The following GRM1 variants were observed in gnomAD, a reference collection of about 807,000 sequenced individuals.
GRM1 encodes glutamate metabotropic receptor 1, also known as metabotropic glutamate receptor 1.
Under a neutral mutation model 90.9 loss-of-function variants are expected in GRM1, and 33 were observed. The observed-to-expected ratio is 0.36, with a 90% CI of 0.28 to 0.49. GRM1 has a LOEUF of 0.49. Ranked by LOEUF, GRM1 falls within the 20% of genes least tolerant of loss-of-function variation. The pLI is 0.99. For missense variants in GRM1, 1,190 were observed against 1,534.3 expected, an observed-to-expected ratio of 0.78 and a Z score of 3.75; for synonymous variants, 700 against 613.2, an observed-to-expected ratio of 1.14 and a Z score of -2.09.
At chr6:146,045,220 A>G (rs1387441120) in intron 1 of GRM1, among the ~76,000 whole-genome samples, 3 of 152,062 alleles carry the variant, frequency 2.0e-5, no homozygotes, top group Non-Finnish European at 4.4e-5. Flanking sequence ...AAAATTATAG[A>G]AAAGATATTT....
chr6:146,368,567 G>T (rs1310582131), intron 5 of GRM1, among the ~76,000 whole-genome samples: 2 of 151,920 alleles, frequency 1.3e-5, no homozygotes, highest in Non-Finnish European at 2.9e-5. Flanking sequence ...AATTTGTCGA[G>T]AATTTTTATT....
At chr6:146,103,019 A>G (rs1777102695) in intron 1 of GRM1, among the ~76,000 whole-genome samples, 1 of 152,168 alleles carries the variant, frequency 6.6e-6, no homozygotes, top group Non-Finnish European at 1.5e-5. Flanking sequence ...TTCTTGCTGC[A>G]GGGGTTTCTC....
chr6:146,096,034 C>T (rs934319743), intron 1 of GRM1, among the ~76,000 whole-genome samples: 1 of 152,226 alleles, frequency 6.6e-6, no homozygotes, highest in Non-Finnish European at 1.5e-5. Flanking sequence ...GCTAAGGGTA[C>T]TTTAACTTCA....
intron 2 of GRM1, among the ~76,000 whole-genome samples, chr6:146,237,357 C>G (rs1028071061): frequency 6.7e-6 from 1 of 149,920 alleles, no homozygotes; most frequent in Non-Finnish European, 1.5e-5. Context: ...TAAAGCCTAG[C>G]TTTCAAAGGA....
At chr6:146,398,702 T>C in intron 6 of GRM1, 67 bp from the exon 7 acceptor site, 2 of 1,062,832 alleles carry the variant, frequency 1.9e-6, no homozygotes, top group Non-Finnish European at 1.5e-6. Flanking sequence ...CTCTGGTAAT[T>C]AATAGGCAAG....
chr6:146,273,468 A>G (rs768503557), intron 2 of GRM1, among the ~76,000 whole-genome samples: 15 of 152,194 alleles, frequency 9.9e-5, no homozygotes, highest in Non-Finnish European at 2.1e-4. Context: ...TATTTCTTAA[A>G]TAACTTTTTG....
chr6:146,330,893 T>C (rs1784565045), intron 3 of GRM1, among the ~76,000 whole-genome samples: 1 of 152,222 alleles, frequency 6.6e-6, no homozygotes, highest in South Asian at 2.1e-4. Context: ...CACAGAAGTT[T>C]ATAGTCAAGT....
intron 1 of GRM1, among the ~76,000 whole-genome samples, chr6:146,158,909 G>A (rs1026218785): frequency 2.6e-5 from 4 of 152,102 alleles, no homozygotes; most frequent in Non-Finnish European, 5.9e-5. Flanking sequence ...AACGTTGCAG[G>A]ACTTTATGTT....
chr6:146,046,021 G>A (rs760032083), intron 1 of GRM1, among the ~76,000 whole-genome samples: 18 of 151,942 alleles, frequency 1.2e-4, no homozygotes, highest in South Asian at 6.2e-4. Flanking sequence ...TTGATCTCAC[G>A]TCCTCTGAGA....
At chr6:146,053,820 T>C (rs777381969) in intron 1 of GRM1, among the ~76,000 whole-genome samples, 1 of 152,046 alleles carries the variant, frequency 6.6e-6, no homozygotes, top group Admixed American at 6.6e-5. Context: ...TTGGGACCAC[T>C]ATGTACGTGA....
chr6:146,115,413 T>G (rs1775706887), intron 1 of GRM1, among the ~76,000 whole-genome samples: 1 of 152,116 alleles, frequency 6.6e-6, no homozygotes, highest in Non-Finnish European at 1.5e-5. Flanking sequence ...ATTCTGTTGC[T>G]TTAGTTGTAA....
At chr6:146,424,158 A>C (rs2114668386) in intron 7 of GRM1, among the ~76,000 whole-genome samples, 2 of 152,350 alleles carry the variant, frequency 1.3e-5, no homozygotes, top group East Asian at 3.9e-4. Context: ...TTGCAATAAC[A>C]GTGCAGAGAC....
chr6:146,097,703 C>T (rs1582997869), intron 1 of GRM1, among the ~76,000 whole-genome samples: 2 of 152,186 alleles, frequency 1.3e-5, no homozygotes, highest in African/African-American at 2.4e-5. Flanking sequence ...ATATCTACAA[C>T]TTCTGTCCTC....
intron 2 of GRM1, among the ~76,000 whole-genome samples, chr6:146,203,575 G>C (rs1779395071): frequency 6.6e-6 from 1 of 152,162 alleles, no homozygotes; most frequent in Non-Finnish European, 1.5e-5. Flanking sequence ...ACAGTTTTAT[G>C]CTCAAAGGAG....
intron 3 of GRM1, among the ~76,000 whole-genome samples, chr6:146,317,332 G>A (rs1003767095): frequency 1.3e-5 from 2 of 152,116 alleles, no homozygotes; most frequent in Admixed American, 6.5e-5. Context: ...AAACATGTAA[G>A]CTCAGTTGAT....
intron 2 of GRM1, among the ~76,000 whole-genome samples, chr6:146,218,518 T>C (rs577384564): frequency 1.3e-5 from 2 of 152,308 alleles, no homozygotes; most frequent in African/African-American, 2.4e-5. Context: ...TCATAAATGA[T>C]ACATAAATAA....
intron 5 of GRM1, among the ~76,000 whole-genome samples, chr6:146,364,569 G>A (rs951945626): frequency 1.2e-4 from 18 of 152,126 alleles, no homozygotes; most frequent in African/African-American, 4.1e-4. Context: ...CATCTGTAAT[G>A]AGTATTTTTA....
At chr6:146,350,910 C>T (rs1785381883) in intron 3 of GRM1, among the ~76,000 whole-genome samples, 1 of 152,148 alleles carries the variant, frequency 6.6e-6, no homozygotes, top group Non-Finnish European at 1.5e-5. Flanking sequence ...TAATCTTCTT[C>T]CCCTTTAACC....
intron 3 of GRM1, among the ~76,000 whole-genome samples, chr6:146,334,902 G>A (rs549825903): frequency 5.3e-4 from 81 of 152,196 alleles, no homozygotes; most frequent in African/African-American, 1.9e-3. Flanking sequence ...CATGGTCTTG[G>A]TGATATATGA....
Sources: allele counts gnomAD v4.1 joint callset (sites outside exome capture counted in the v4.1 genomes callset), GRCh38; gene constraint gnomAD v4.1.1; transcripts MANE v1.5; gene names NCBI Gene and HGNC (gene_info 2026-07-23, HGNC 2026-07-21).